Variants in PPP4R3A observed in about 807,000 individuals in gnomAD.
PPP4R3A encodes serine/threonine-protein phosphatase 4 regulatory subunit 3A.
Under a neutral mutation model 91.7 loss-of-function variants are expected in PPP4R3A, and 15 were observed. That is an observed-to-expected ratio of 0.16 (90% CI 0.11 to 0.25). PPP4R3A has a LOEUF of 0.25. Among genes scored for constraint, PPP4R3A ranks in the 10% least tolerant of loss-of-function variants. The pLI, the probability that PPP4R3A is intolerant of heterozygous loss-of-function variation, is 1.00. For missense variants in PPP4R3A, 623 were observed against 998.4 expected, an observed-to-expected ratio of 0.62 and a Z score of 5.07; for synonymous variants, 377 against 348.7, an observed-to-expected ratio of 1.08 and a Z score of -0.91.
At chr14:91,486,454 G>A (rs1320112053) in intron 2 of PPP4R3A, among the ~76,000 whole-genome samples, 1 of 152,182 alleles carries the variant, frequency 6.6e-6, no homozygotes, top group East Asian at 1.9e-4. Flanking sequence ...TTACAGGCAT[G>A]AGCCACAGTG....
intron 4 of PPP4R3A, among the ~76,000 whole-genome samples, chr14:91,480,756 T>C (rs1889507937): frequency 6.6e-6 from 1 of 152,130 alleles, no homozygotes; most frequent in African/African-American, 2.4e-5. Context: ...CCTCCTATAG[T>C]TGAGTATGGT....
At chr14:91,490,687 T>C in intron 2 of PPP4R3A, 60 bp downstream of exon 2, 1 of 1,367,104 alleles carries the variant, frequency 7.3e-7, no homozygotes, top group Middle Eastern at 2.3e-4. Flanking sequence ...AATCAGATAA[T>C]AAACTTTCAT....
In PPP4R3A at chr14:91,471,464, GTCTATACTGAA is replaced by G. The variant is rs1232552896; in HGVS notation, c.1502-480_1502-470del. ...GTGCCTCCTTTACTACTTGTAACGA[GTCTATACTGAA>G]TTATAATCATTGACTTATCTTTACT... On this transcript the variant is annotated intron_variant, in intron 9 of 14. Coordinates refer to ENST00000554943, the MANE Select transcript of PPP4R3A (RefSeq NM_001366432.2). Among the ~76,000 whole-genome samples, 5 of 152,262 alleles carry G rather than the reference GTCTATACTGAA, an allele frequency of 3.3e-5. No individual in the cohort carries two copies. The South Asian group carries it at 1.0e-3, about 32-fold the overall frequency.
intron 1 of PPP4R3A, among the ~76,000 whole-genome samples, chr14:91,500,264 G>A (rs61990500): frequency 0.25 from 37,874 of 152,020 alleles, 5,625 homozygotes; most frequent in Non-Finnish European, 0.35. Flanking sequence ...GCGGTGGCAC[G>A]ATCTCGGCTC....
At chr14:91,473,564 C>A (rs61990496) in intron 7 of PPP4R3A, among the ~76,000 whole-genome samples, 194 bp from the exon 8 acceptor site, 3,223 of 152,242 alleles carry the variant, frequency 0.021, 52 homozygotes, top group Non-Finnish European at 0.034. Context: ...AGGGACATAG[C>A]CCTAAATAGA....
chr14:91,478,333 A>G (rs1889333931), intron 4 of PPP4R3A, among the ~76,000 whole-genome samples: 1 of 152,248 alleles, frequency 6.6e-6, no homozygotes, highest in South Asian at 2.1e-4. Context: ...GAAAATAAGA[A>G]TGTTTATGGT....
intron 12 of PPP4R3A, 135 bp from the exon 13 acceptor site, chr14:91,462,374 GT>G: frequency 2.1e-6 from 2 of 941,234 alleles, no homozygotes; most frequent in Non-Finnish European, 2.9e-6. Context: ...GTAAATCCAG[GT>G]ATTTAGATTA....
intron 7 of PPP4R3A, 51 bp downstream of exon 7, chr14:91,475,760 G>C: frequency 6.6e-7 from 1 of 1,508,036 alleles, no homozygotes; most frequent in Non-Finnish European, 9.1e-7. Context: ...AATAAAAACA[G>C]TTATAGCTTC....
At chr14:91,472,203 GAATAT>G (rs1315320744) in intron 9 of PPP4R3A, among the ~76,000 whole-genome samples, 13 of 151,402 alleles carry the variant, frequency 8.6e-5, no homozygotes, top group South Asian at 2.1e-4. Flanking sequence ...AAGCTCTAAT[GAATAT>G]AATACAAAAA....
At chr14:91,490,526 T>C (rs4904785) in intron 2 of PPP4R3A, among the ~76,000 whole-genome samples, 13,799 of 152,102 alleles carry the variant, frequency 0.091, 1,231 homozygotes, top group East Asian at 0.44. Flanking sequence ...TCAGTTGCTA[T>C]AGTAGGTGGA....
intron 7 of PPP4R3A, among the ~76,000 whole-genome samples, chr14:91,474,221 A>G (rs937019027): frequency 2.0e-5 from 3 of 152,242 alleles, no homozygotes; most frequent in Non-Finnish European, 2.9e-5. Flanking sequence ...TGGTATTTAG[A>G]GAGTGCAGAG....
chr14:91,507,444 CTATATAGTATATATACTATAAT>C (rs1891425212), intron 1 of PPP4R3A, among the ~76,000 whole-genome samples: 1 of 131,978 alleles, frequency 7.6e-6, no homozygotes, highest in African/African-American at 3.1e-5. Flanking sequence ...ATTATATATA[CTATATAGTATATATACTATAAT>C]TATATATACT....
At chr14:91,508,714 C>T (rs1891566954) in intron 1 of PPP4R3A, among the ~76,000 whole-genome samples, 1 of 152,158 alleles carries the variant, frequency 6.6e-6, no homozygotes, top group African/African-American at 2.4e-5. Flanking sequence ...ACCTTGAGGG[C>T]TGTTTCAAAA....
At chr14:91,489,161 C>T (rs1435529422) in intron 2 of PPP4R3A, among the ~76,000 whole-genome samples, 1 of 152,138 alleles carries the variant, frequency 6.6e-6, no homozygotes, top group Non-Finnish European at 1.5e-5. Context: ...CCTGCCTCGG[C>T]CTCCCAAAGT....
chr14:91,476,559 G>A, intron 5 of PPP4R3A, 35 bp from the exon 6 acceptor site: 4 of 1,388,052 alleles, frequency 2.9e-6, no homozygotes, highest in Non-Finnish European at 4.0e-6. Flanking sequence ...GATATAAAAA[G>A]TTTATTTTAT....
Position 91,458,973 on chromosome 14 carries a change from G to A in PPP4R3A, c.2392-104C>T, listed in dbSNP as rs550500366. 2.6e-5 allele frequency: 35 copies of A among 1,321,894 alleles called. 1 individual carries two copies. The highest frequency in any genetic ancestry group is 2.8e-5 in the Admixed American group (1 of 36,054). 81.9% of individuals were successfully genotyped at this position (1,321,894 alleles called of 1,614,324 possible). On this transcript the variant is annotated intron_variant, in intron 14 of 14. Coordinates refer to ENST00000554943, the MANE Select transcript of PPP4R3A (RefSeq NM_001366432.2). The stretch of plus-strand genomic sequence containing the variant: ...AAATAGATCCTACCAACATAGTAAC[G>A]GTGGTTATTTCTGGGTGGTGGGACT...
chr14:91,462,895 A>T lies in PPP4R3A; in HGVS notation c.1831-18T>A, dbSNP rs758269315. Reference sequence around the variant, plus strand: ...ATATCTTCCTACAGAAAAGAATAGTAATGAAAAAATGATAGGAAAATGTCA... The same window carrying T: ...ATATCTTCCTACAGAAAAGAATAGTTATGAAAAAATGATAGGAAAATGTCA... On this transcript the variant is annotated intron_variant, in intron 11 of 14. Transcript: ENST00000554943. 3 of 1,560,664 alleles carry T rather than the reference A, an allele frequency of 1.9e-6. No individual in the cohort carries two copies. Among genetic ancestry groups the T allele is most frequent in the Non-Finnish European group, 2.6e-6 (3 of 1,143,638 alleles).
intron 4 of PPP4R3A, 150 bp downstream of exon 4, chr14:91,481,426 A>G (rs1889551940): frequency 7.3e-6 from 6 of 821,186 alleles, no homozygotes; most frequent in Non-Finnish European, 1.1e-5. Context: ...CTGGTCTCGT[A>G]TTATTATTGT....
chr14:91,502,709 G>A (rs1040085804), intron 1 of PPP4R3A, among the ~76,000 whole-genome samples: 3 of 152,210 alleles, frequency 2.0e-5, no homozygotes, highest in Non-Finnish European at 4.4e-5. Flanking sequence ...TAGCAGTGCT[G>A]CCTTGAACAA....
Sources: gnomAD v4.1 joint callset for allele counts (sites outside exome capture counted in the v4.1 genomes callset) on GRCh38, gnomAD v4.1.1 for gene constraint, MANE v1.5 for transcripts, NCBI Gene and HGNC (gene_info 2026-07-23, HGNC 2026-07-21) for gene names.